Variants in OXR1 observed in about 807,000 individuals in gnomAD.
OXR1 encodes the protein oxidation resistance protein 1.
OXR1 carries 41 observed loss-of-function variants against 104.6 expected under a neutral mutation model. The ratio of observed to expected loss-of-function variants is 0.39; its 90% CI spans 0.31 to 0.51. The LOEUF is 0.51. Among genes scored for constraint, OXR1 ranks in the 20% least tolerant of loss-of-function variants. OXR1 has a pLI of 0.77. For synonymous variants in OXR1, 348 were observed against 348.4 expected, an observed-to-expected ratio of 1.00 and a Z score of 0.01; for missense variants, 955 against 1,031.9, an observed-to-expected ratio of 0.93 and a Z score of 1.02.
intron 1 of OXR1, among the ~76,000 whole-genome samples, chr8:106,330,306 G>T (rs1478743548): frequency 6.6e-6 from 1 of 152,146 alleles, no homozygotes; most frequent in Non-Finnish European, 1.5e-5. Context: ...CAGCTTCATG[G>T]TGGGGTAGTG....
intron 2 of OXR1, among the ~76,000 whole-genome samples, chr8:106,453,009 C>T (rs1820407035): frequency 6.6e-6 from 1 of 152,110 alleles, no homozygotes; most frequent in African/African-American, 2.4e-5. Context: ...ATGTGCTCTG[C>T]TCTTTCTCAC....
chr8:106,507,076 G>T (rs184582596), intron 2 of OXR1, among the ~76,000 whole-genome samples: 189 of 152,186 alleles, frequency 1.2e-3, no homozygotes, highest in Non-Finnish European at 2.0e-3. Flanking sequence ...CACAGTGAGA[G>T]CCTGTCTCTT....
chr8:106,414,348 G>T (rs1460967826), intron 2 of OXR1, among the ~76,000 whole-genome samples: 1 of 152,018 alleles, frequency 6.6e-6, no homozygotes, highest in East Asian at 1.9e-4. Flanking sequence ...CGAGAGGGAA[G>T]GGACCATGTT....
chr8:106,733,193 G>T (rs1220263541), intron 11 of OXR1, among the ~76,000 whole-genome samples: 1 of 152,014 alleles, frequency 6.6e-6, no homozygotes, highest in Non-Finnish European at 1.5e-5. Flanking sequence ...GTTTCTTCTT[G>T]TGTGACTTTT....
chr8:106,378,761 G>A (rs1342230630), intron 2 of OXR1, among the ~76,000 whole-genome samples: 1 of 152,098 alleles, frequency 6.6e-6, no homozygotes, highest in Admixed American at 6.5e-5. Context: ...CACCCACCTC[G>A]GCCTCCCAAA....
chr8:106,721,938 A>G (rs982944774), intron 11 of OXR1, among the ~76,000 whole-genome samples: 2 of 152,092 alleles, frequency 1.3e-5, no homozygotes, highest in African/African-American at 4.8e-5. Context: ...TTCTGTTTTC[A>G]CAGCTATCAT....
At chr8:106,589,063 T>G (rs1818871917) in intron 3 of OXR1, among the ~76,000 whole-genome samples, 1 of 152,102 alleles carries the variant, frequency 6.6e-6, no homozygotes, top group Non-Finnish European at 1.5e-5. Context: ...CTGCCTTTAG[T>G]GGACTGCTTC....
At chr8:106,275,368 A>G (rs895825503) in intron 1 of OXR1, among the ~76,000 whole-genome samples, 1 of 152,172 alleles carries the variant, frequency 6.6e-6, no homozygotes, top group African/African-American at 2.4e-5. Context: ...GCCCTTTTGC[A>G]CTTCTGATAG....
intron 1 of OXR1, among the ~76,000 whole-genome samples, chr8:106,297,018 G>A (rs1213161033): frequency 6.6e-6 from 1 of 152,140 alleles, no homozygotes; most frequent in African/African-American, 2.4e-5. Context: ...TATCACTGCT[G>A]TTTAGAGGCA....
chr8:106,360,106 G>T (rs1215316642), intron 2 of OXR1, among the ~76,000 whole-genome samples: 1 of 152,112 alleles, frequency 6.6e-6, no homozygotes, highest in African/African-American at 2.4e-5. Context: ...AGAAAAATTT[G>T]TTATAGATGC....
chr8:106,626,947 A>C (rs1822221936), intron 3 of OXR1, among the ~76,000 whole-genome samples: 2 of 152,002 alleles, frequency 1.3e-5, no homozygotes, highest in Admixed American at 6.6e-5. Flanking sequence ...AGTCCTGAAA[A>C]ATATGAAATG....
At chr8:106,738,912 G>A (rs1046314950) in intron 12 of OXR1, among the ~76,000 whole-genome samples, 7 of 151,846 alleles carry the variant, frequency 4.6e-5, no homozygotes, top group Admixed American at 2.6e-4. Context: ...TTAAAAAAAT[G>A]GTAACGTTTG....
chr8:106,748,700 C>G (rs1835612572), intron 16 of OXR1, among the ~76,000 whole-genome samples: 1 of 151,072 alleles, frequency 6.6e-6, no homozygotes, highest in Admixed American at 6.6e-5. Context: ...TCCCAAGCAG[C>G]TGGAATTACA....
chr8:106,647,411 A>G (rs146205919), intron 3 of OXR1, among the ~76,000 whole-genome samples: 2 of 152,316 alleles, frequency 1.3e-5, no homozygotes, highest in East Asian at 3.9e-4. Flanking sequence ...CTTTGTGGTC[A>G]TTTGGGACAC....
chr8:106,326,037 T>C (rs555965165), intron 1 of OXR1, among the ~76,000 whole-genome samples: 149 of 152,350 alleles, frequency 9.8e-4, no homozygotes, highest in African/African-American at 3.3e-3. Flanking sequence ...TTACCCTAGA[T>C]ACCAAGTATA....
intron 3 of OXR1, among the ~76,000 whole-genome samples, chr8:106,541,700 T>TG (rs1814963406): frequency 6.6e-6 from 1 of 151,916 alleles, no homozygotes; most frequent in African/African-American, 2.4e-5. Flanking sequence ...TTCCCCAGGG[T>TG]GTGATTAGCT....
intron 1 of OXR1, among the ~76,000 whole-genome samples, chr8:106,345,617 G>C (rs1459790138): frequency 2.0e-5 from 3 of 152,206 alleles, no homozygotes; most frequent in Non-Finnish European, 4.4e-5. Flanking sequence ...TGTGAAGAAA[G>C]TTGGTGAGTA....
At chr8:106,499,499 C>A (rs1186978217) in intron 2 of OXR1, among the ~76,000 whole-genome samples, 1 of 152,106 alleles carries the variant, frequency 6.6e-6, no homozygotes, top group Non-Finnish European at 1.5e-5. Context: ...ATAATAGATT[C>A]TTCTCTGTAT....
intron 2 of OXR1, among the ~76,000 whole-genome samples, chr8:106,514,994 A>G (rs1262339792): frequency 1.3e-5 from 2 of 152,136 alleles, no homozygotes; most frequent in Admixed American, 6.6e-5. Context: ...AATAAAATTT[A>G]TAGGATCAAC....
Sources: gnomAD v4.1 joint callset for allele counts (sites outside exome capture counted in the v4.1 genomes callset) on GRCh38, gnomAD v4.1.1 for gene constraint, MANE v1.5 for transcripts, NCBI Gene and HGNC (gene_info 2026-07-23, HGNC 2026-07-21) for gene names.